Variants in GRID2 observed in about 807,000 individuals in gnomAD.
GRID2 encodes glutamate receptor ionotropic, delta-2.
Under a neutral mutation model 114.8 loss-of-function variants are expected in GRID2, and 33 were observed. That is an observed-to-expected ratio of 0.29 (90% confidence interval 0.22 to 0.38). The LOEUF (loss-of-function observed/expected upper bound fraction) is 0.38. Among genes scored for constraint, GRID2 ranks in the 10% least tolerant of loss-of-function variants. The pLI, the probability that GRID2 is intolerant of heterozygous loss-of-function variation, is 1.00. For synonymous variants in GRID2, 505 were observed against 449.9 expected (o/e 1.12, Z -1.55); for missense variants, 1,184 against 1,257.7 (o/e 0.94, Z 0.89).
chr4:92,878,917 T>C (rs1273395670), intron 2 of GRID2, among the ~76,000 whole-genome samples: 4 of 152,136 alleles, frequency 2.6e-5, no homozygotes, highest in Non-Finnish European at 4.4e-5. Context: ...CGTGAGGCTA[T>C]CTAAATTCTG....
chr4:92,942,337 C>G (rs139883392), intron 2 of GRID2, among the ~76,000 whole-genome samples: 1 of 152,120 alleles, frequency 6.6e-6, no homozygotes, highest in African/African-American at 2.4e-5. Context: ...CCTTCTTTGT[C>G]TCTTCTGATA....
intron 2 of GRID2, among the ~76,000 whole-genome samples, chr4:92,944,054 CTG>C (rs1751399710): frequency 6.6e-6 from 1 of 152,216 alleles, no homozygotes; most frequent in African/African-American, 2.4e-5. Flanking sequence ...AGGAGGCAAT[CTG>C]TCCATTCTCA....
At chr4:93,254,062 T>C (rs1051439748) in intron 8 of GRID2, among the ~76,000 whole-genome samples, 8 of 152,092 alleles carry the variant, frequency 5.3e-5, no homozygotes, top group Non-Finnish European at 1.0e-4. Context: ...AAGCTGAGTT[T>C]TTATAGAGTT....
At chr4:93,167,602 G>A (rs748252928) in intron 4 of GRID2, among the ~76,000 whole-genome samples, 3 of 152,048 alleles carry the variant, frequency 2.0e-5, no homozygotes, top group Non-Finnish European at 4.4e-5. Context: ...AAAGAGTAAT[G>A]AAGGATGAGC....
intron 4 of GRID2, among the ~76,000 whole-genome samples, chr4:93,178,336 A>T (rs910522683): frequency 1.1e-4 from 14 of 126,468 alleles, no homozygotes; most frequent in Admixed American, 5.0e-4. Context: ...ACTGAGGATC[A>T]TTTTTTTTAT....
intron 2 of GRID2, among the ~76,000 whole-genome samples, chr4:92,650,147 A>C (rs1294053815): frequency 6.6e-6 from 1 of 152,196 alleles, no homozygotes; most frequent in Admixed American, 6.6e-5. Context: ...TAATATATGT[A>C]TATATGCATA....
intron 2 of GRID2, among the ~76,000 whole-genome samples, chr4:92,746,614 C>T (rs183152852): frequency 8.5e-5 from 13 of 152,168 alleles, no homozygotes; most frequent in African/African-American, 3.1e-4. Context: ...TTATCAGCTA[C>T]AACTCATTTT....
chr4:92,484,074 T>C (rs914487115), intron 1 of GRID2, among the ~76,000 whole-genome samples: 8 of 152,180 alleles, frequency 5.3e-5, no homozygotes, highest in Admixed American at 5.2e-4. Context: ...CACACTGTGA[T>C]AGAACAAGGT....
chr4:92,440,281 C>G (rs1403374958), intron 1 of GRID2, among the ~76,000 whole-genome samples: 1 of 145,954 alleles, frequency 6.9e-6, no homozygotes, highest in African/African-American at 2.4e-5. Context: ...GCTGATTTGA[C>G]TAATAAAGGC....
At chr4:93,600,636 A>G (rs891041692) in intron 13 of GRID2, among the ~76,000 whole-genome samples, 2 of 152,196 alleles carry the variant, frequency 1.3e-5, no homozygotes, top group African/African-American at 4.8e-5. Context: ...CGTAAAAACT[A>G]CTTTGGAAAT....
intron 12 of GRID2, among the ~76,000 whole-genome samples, chr4:93,492,798 G>A (rs72886262): frequency 0.028 from 4,211 of 151,836 alleles, 213 homozygotes; most frequent in African/African-American, 0.095. Flanking sequence ...CATATACATT[G>A]TGAAATAATT....
intron 4 of GRID2, among the ~76,000 whole-genome samples, chr4:93,117,328 C>CT (rs1009949653): frequency 1.3e-5 from 2 of 151,840 alleles, no homozygotes; most frequent in African/African-American, 4.8e-5. Flanking sequence ...GAATCCTATG[C>CT]TTCTTACTTT....
intron 2 of GRID2, among the ~76,000 whole-genome samples, chr4:92,867,098 G>A (rs1744921382): frequency 6.6e-6 from 1 of 151,912 alleles, no homozygotes; most frequent in African/African-American, 2.4e-5. Flanking sequence ...TACCGATACT[G>A]TATTTCTTCT....
intron 2 of GRID2, among the ~76,000 whole-genome samples, chr4:92,674,675 C>T (rs766494121): frequency 1.5e-4 from 23 of 152,098 alleles, no homozygotes; most frequent in Non-Finnish European, 3.1e-4. Context: ...GCACCTACCA[C>T]CATGCCCAGC....
At chr4:92,986,712 T>C (rs1024537120) in intron 2 of GRID2, among the ~76,000 whole-genome samples, 2 of 152,196 alleles carry the variant, frequency 1.3e-5, no homozygotes, top group Non-Finnish European at 2.9e-5. Flanking sequence ...TATTTCAAAA[T>C]ACAGACTTTT....
chr4:93,560,598 T>G (rs1046700922), intron 13 of GRID2, among the ~76,000 whole-genome samples: 4 of 152,160 alleles, frequency 2.6e-5, no homozygotes, highest in Non-Finnish European at 5.9e-5. Flanking sequence ...AATATTTTAT[T>G]GTGATTTGGT....
intron 1 of GRID2, among the ~76,000 whole-genome samples, chr4:92,382,251 AT>A (rs1381539427): frequency 6.6e-6 from 1 of 151,778 alleles, no homozygotes; most frequent in African/African-American, 2.4e-5. Context: ...CTGAAAAAAA[AT>A]ATAGATATAG....
At chr4:92,598,715 TGATTATTGTGTAATGATTATATGG>T (rs765860064) in intron 2 of GRID2, among the ~76,000 whole-genome samples, 2 of 152,178 alleles carry the variant, frequency 1.3e-5, no homozygotes, top group Non-Finnish European at 2.9e-5. Context: ...TATGATTATG[TGATTATTGTGTAATGATTATATGG>T]GATTGTAAAT....
At chr4:92,391,113 C>T (rs745711829) in intron 1 of GRID2, among the ~76,000 whole-genome samples, 10 of 152,210 alleles carry the variant, frequency 6.6e-5, no homozygotes, top group South Asian at 2.1e-4. Flanking sequence ...GCCAAAGGAG[C>T]GCTGAATTCT....
Sources: allele counts gnomAD v4.1 joint callset (sites outside exome capture counted in the v4.1 genomes callset), GRCh38; gene constraint gnomAD v4.1.1; transcripts MANE v1.5; gene names NCBI Gene and HGNC (gene_info 2026-07-23, HGNC 2026-07-21).